The following ZFPM1 variants were observed in gnomAD, a reference collection of about 807,000 sequenced individuals.
The protein encoded by ZFPM1 is zinc finger protein ZFPM1.
ZFPM1 carries 28 observed loss-of-function variants against 46.3 expected under a neutral mutation model. That is an observed-to-expected ratio of 0.60 (90% CI 0.45 to 0.83). The LOEUF (loss-of-function observed/expected upper bound fraction) is 0.83. ZFPM1 is among the 40% of genes least tolerant of loss of function. The pLI is 0.00. For missense variants in ZFPM1, 1,878 were observed against 1,432.4 expected (o/e 1.31, Z -5.02); for synonymous variants, 957 against 675.9 (o/e 1.42, Z -6.45).
At chr16:88,514,240 G>A (rs1911145532) in intron 3 of ZFPM1, 147 bp from the exon 4 acceptor site, 1 of 1,382,768 alleles carries the variant, frequency 7.2e-7, no homozygotes, top group East Asian at 2.5e-5. Flanking sequence ...CCAGGCCCCT[G>A]GGACCCAGCA....
chr16:88,488,922 G>C, intron 2 of ZFPM1, 109 bp from the exon 3 acceptor site: 1 of 1,482,462 alleles, frequency 6.7e-7, no homozygotes, highest in African/African-American at 1.4e-5. Context: ...CTCTGGGCCC[G>C]AGCTCCCCAA....
chr16:88,459,695 TC>T (rs1907721823), intron 1 of ZFPM1, among the ~76,000 whole-genome samples: 1 of 47,724 alleles, frequency 2.1e-5, no homozygotes, highest in Non-Finnish European at 4.0e-5. Context: ...CTCCCCCTCC[TC>T]CCCTTCCCCC....
rs940012156 is a variant in ZFPM1 at position 88,534,107 on chromosome 16, C to A, written c.2149C>A (p.Pro717Thr). 5.0e-5 allele frequency: 57 copies of A among 1,144,930 alleles called. No homozygotes were observed. The African/African-American group carries it at 9.0e-4, about 18-fold the overall frequency. The allele number at this position is 1,144,930 out of a possible 1,614,324, so 70.9% of individuals were successfully genotyped here. A position where few individuals can be genotyped will look rare whatever the true frequency, so the allele number is the denominator to read the frequency against. The change falls in exon 10 of 10, where the codon CCG becomes ACG. Residue 717 changes from proline to threonine, a missense_variant. Coordinates refer to ENST00000319555, the MANE Select transcript of ZFPM1 (RefSeq NM_153813.3). ...GCGCCACGACCCGCCGCCGCGCCGA[C>A]CGGCCGCGCCCCCGGGACCCCCTGG... The part of the protein sequence containing the change: ...ASRHDPPPRR[P>T]AAPPGPPGPA...
chr16:88,460,445 G>C (rs1277727721), intron 1 of ZFPM1, among the ~76,000 whole-genome samples: 2 of 152,202 alleles, frequency 1.3e-5, no homozygotes, highest in East Asian at 3.9e-4. Context: ...GGTTCAATGG[G>C]CATACCCATT....
At chr16:88,523,943 C>T (rs1912107520) in intron 4 of ZFPM1, among the ~76,000 whole-genome samples, 1 of 152,230 alleles carries the variant, frequency 6.6e-6, no homozygotes, top group South Asian at 2.1e-4. Context: ...GCCTGCCCTC[C>T]ACTCGGGACC....
chr16:88,532,140 A>C lies in ZFPM1; in HGVS notation c.851A>C (p.Glu284Ala). The C allele has an allele frequency of 6.2e-7, 1 of 1,612,634 alleles. No homozygotes were observed. Among genetic ancestry groups the C allele is most frequent in the Non-Finnish European group, 8.5e-7 (1 of 1,179,788 alleles). Reference sequence around the variant, plus strand: ...GCCGCCACAGACGAGAAGCCCAAAGAGACCTACCCCAACGAGCGCGTCTGC... The same window carrying C: ...GCCGCCACAGACGAGAAGCCCAAAGCGACCTACCCCAACGAGCGCGTCTGC... ...AAAATDEKPK[E>A]TYPNERVCPF... The change falls in exon 7 of 10, where the codon GAG becomes GCG. Residue 284 changes from glutamate to alanine, a missense_variant. Transcript: ENST00000319555.
Position 88,526,811 on chromosome 16 carries a change from CAGAG to C in ZFPM1, c.403-2_404del. On this transcript the variant is annotated splice_acceptor_variant and coding_sequence_variant, in exon 5 of 10. Coordinates refer to ENST00000319555, the MANE Select transcript of ZFPM1 (RefSeq NM_153813.3). LOFTEE classifies it high-confidence loss of function. Reference sequence around the variant, plus strand: ...CCCACGTGTTCCTACCCTCCCCCCCCAGAGCCCAGCCCTGACCCTGCTGCTGGTG... The same window carrying C: ...CCCACGTGTTCCTACCCTCCCCCCCCCCCAGCCCTGACCCTGCTGCTGGTG... The C allele has an allele frequency of 6.5e-7, 1 of 1,535,618 alleles. No homozygotes were observed. The highest frequency in any genetic ancestry group is 8.8e-7 in the Non-Finnish European group (1 of 1,137,636).
intron 4 of ZFPM1, among the ~76,000 whole-genome samples, chr16:88,521,215 ACTCCATGCTGTTTCCCCCGC>A (rs893850437): frequency 4.7e-5 from 7 of 149,872 alleles, no homozygotes; most frequent in African/African-American, 1.7e-4. Flanking sequence ...TCCCACTGCC[ACTCCATGCTGTTTCCCCCGC>A]CTCCATGCTG....
intron 4 of ZFPM1, chr16:88,516,538 G>T: frequency 2.5e-6 from 1 of 398,670 alleles, no homozygotes; most frequent in South Asian, 1.3e-4. Flanking sequence ...TTAAATCCTT[G>T]ATTAACCCTT....
intron 6 of ZFPM1, among the ~76,000 whole-genome samples, chr16:88,530,241 C>T (rs535204496): frequency 2.0e-4 from 31 of 152,272 alleles, no homozygotes; most frequent in Non-Finnish European, 3.5e-4. Context: ...GTGAGGGTCC[C>T]GTCCTCCAGC....
intron 1 of ZFPM1, among the ~76,000 whole-genome samples, chr16:88,467,668 G>A (rs767171356): frequency 1.3e-5 from 2 of 152,228 alleles, no homozygotes; most frequent in African/African-American, 2.4e-5. Context: ...CTCCAGTCAC[G>A]GGCTCTGGGC....
At chr16:88,461,924 C>G (rs1045994950) in intron 1 of ZFPM1, among the ~76,000 whole-genome samples, 1 of 152,220 alleles carries the variant, frequency 6.6e-6, no homozygotes, top group Admixed American at 6.5e-5. Context: ...GACGTGGGAG[C>G]TGGGGCCGTG....
At chr16:88,494,957 T>A (rs1221459617) in intron 3 of ZFPM1, among the ~76,000 whole-genome samples, 1 of 152,216 alleles carries the variant, frequency 6.6e-6, no homozygotes, top group African/African-American at 2.4e-5. Context: ...TGACCTTGTT[T>A]GCCGGAGGGG....
At chr16:88,527,164 G>A (rs1457585567) in intron 5 of ZFPM1, among the ~76,000 whole-genome samples, 3 of 152,188 alleles carry the variant, frequency 2.0e-5, no homozygotes, top group East Asian at 1.9e-4. Context: ...TGGCGGGGGG[G>A]TGGGGGAGGA....
chr16:88,479,199 C>T (rs1211241165), intron 1 of ZFPM1, among the ~76,000 whole-genome samples: 1 of 152,100 alleles, frequency 6.6e-6, no homozygotes, highest in Non-Finnish European at 1.5e-5. Flanking sequence ...GGCCGGGCTC[C>T]CCACGCAGGT....
intron 1 of ZFPM1, among the ~76,000 whole-genome samples, chr16:88,460,977 C>G (rs1437206469): frequency 1.4e-4 from 2 of 14,772 alleles, no homozygotes; most frequent in Admixed American, 8.4e-4. Flanking sequence ...TGGTGAGGAC[C>G]GAGGGGAGGG....
In ZFPM1 at chr16:88,533,897, G is replaced by A. The variant is rs1316412574; in HGVS notation, c.1939G>A (p.Gly647Arg). 6.8e-5 allele frequency: 71 copies of A among 1,044,450 alleles called. 1 individual carries two copies. Among genetic ancestry groups the A allele is most frequent in the Non-Finnish European group, 7.6e-5 (66 of 868,204 alleles). The allele number at this position is 1,044,450 out of a possible 1,614,324, so 64.7% of individuals were successfully genotyped here. Residue 647 changes from glycine to arginine, a missense_variant, in exon 10 of 10, where the codon GGG becomes AGG. Coordinates refer to ENST00000319555, the MANE Select transcript of ZFPM1 (RefSeq NM_153813.3). ...CCCGGGCCCCGGAGCGCGCGAGGAG[G>A]GGGCTGGGGGCGCGGCCACGCCCGA... The part of the protein sequence containing the change: ...SSPGPGAREE[G>R]AGGAATPEDG...
chr16:88,507,776 G>T (rs890915087), intron 3 of ZFPM1, among the ~76,000 whole-genome samples: 1 of 152,166 alleles, frequency 6.6e-6, no homozygotes, highest in African/African-American at 2.4e-5. Flanking sequence ...CCTCACCCAT[G>T]CACCCAGGCA....
intron 2 of ZFPM1, among the ~76,000 whole-genome samples, chr16:88,487,784 G>A (rs1305756620): frequency 6.6e-6 from 1 of 152,186 alleles, no homozygotes; most frequent in Non-Finnish European, 1.5e-5. Flanking sequence ...AGGCCCTGGG[G>A]TCACCAGAGC....
Sources: allele counts gnomAD v4.1 joint callset (sites outside exome capture counted in the v4.1 genomes callset), GRCh38; gene constraint gnomAD v4.1.1; transcripts MANE v1.5; gene names NCBI Gene and HGNC (gene_info 2026-07-23, HGNC 2026-07-21).